Variants in TYR observed in about 807,000 individuals in gnomAD.
TYR encodes the protein tyrosinase.
A neutral mutation model predicts 51.5 loss-of-function variants in TYR; 58 were observed. That is an observed-to-expected ratio of 1.13 (90% CI 0.91 to 1.40). The LOEUF (loss-of-function observed/expected upper bound fraction) is 1.40, where lower values mean the gene tolerates loss of function less well. Ranked by LOEUF, TYR falls within the 40% of genes most tolerant of loss-of-function variation. The pLI, the probability that TYR is intolerant of heterozygous loss-of-function variation, is 0.00. For synonymous variants in TYR, 263 were observed against 235.2 expected, an observed-to-expected ratio of 1.12 and a Z score of -1.08; for missense variants, 732 against 647.4, an observed-to-expected ratio of 1.13 and a Z score of -1.42.
chr11:89,193,919 A>G (rs1020414419), intron 2 of TYR, among the ~76,000 whole-genome samples: 1 of 152,144 alleles, frequency 6.6e-6, no homozygotes, highest in African/African-American at 2.4e-5. Context: ...TAAATTGCAT[A>G]GACTGTAACT....
At chr11:89,216,647 CAAAA>C (rs11411684) in intron 2 of TYR, among the ~76,000 whole-genome samples, 2,161 of 80,790 alleles carry the variant, frequency 0.027, 56 homozygotes, top group African/African-American at 0.091. Flanking sequence ...TTTTCCATCT[CAAAA>C]AAAAAAAAAA....
intron 3 of TYR, among the ~76,000 whole-genome samples, chr11:89,250,715 T>C (rs1028964751): frequency 6.6e-6 from 1 of 151,870 alleles, no homozygotes; most frequent in Non-Finnish European, 1.5e-5. Flanking sequence ...AAACTTCTCT[T>C]CATATAAAGA....
intron 3 of TYR, among the ~76,000 whole-genome samples, chr11:89,282,130 T>C (rs1944727472): frequency 6.6e-6 from 1 of 151,866 alleles, no homozygotes; most frequent in Admixed American, 6.6e-5. Flanking sequence ...TTAAATCTTT[T>C]GGTGCTGAGA....
At chr11:89,204,568 T>A (rs1243371733) in intron 2 of TYR, among the ~76,000 whole-genome samples, 1 of 152,026 alleles carries the variant, frequency 6.6e-6, no homozygotes, top group African/African-American at 2.4e-5. Context: ...CTAATTTTTT[T>A]TATATTTTTA....
intron 2 of TYR, among the ~76,000 whole-genome samples, chr11:89,201,339 A>C (rs115393618): frequency 2.2e-4 from 33 of 152,170 alleles, no homozygotes; most frequent in African/African-American, 7.0e-4. Flanking sequence ...TGAATCCTAC[A>C]TTCAAGTGAA....
intron 3 of TYR, among the ~76,000 whole-genome samples, chr11:89,256,866 T>C (rs1944398669): frequency 6.6e-6 from 1 of 151,870 alleles, no homozygotes; most frequent in Non-Finnish European, 1.5e-5. Context: ...GTAGGAGGCT[T>C]TAGTCAACTG....
At chr11:89,284,565 G>C (rs892292734) in intron 3 of TYR, among the ~76,000 whole-genome samples, 1 of 151,718 alleles carries the variant, frequency 6.6e-6, no homozygotes, top group Non-Finnish European at 1.5e-5. Context: ...TTCAAAGCTA[G>C]CCTCAATATT....
intron 3 of TYR, among the ~76,000 whole-genome samples, chr11:89,230,419 T>C (rs1386869806): frequency 6.6e-6 from 1 of 152,048 alleles, no homozygotes; most frequent in Non-Finnish European, 1.5e-5. Context: ...TTAGAAATTG[T>C]GAAACTGCTA....
chr11:89,281,633 GA>G (rs1944723404), intron 3 of TYR, among the ~76,000 whole-genome samples: 2 of 151,750 alleles, frequency 1.3e-5, no homozygotes, highest in South Asian at 4.1e-4. Flanking sequence ...CTCCACTTTT[GA>G]GGATGGCAGT....
chr11:89,248,591 T>G (rs1347365001), intron 3 of TYR, among the ~76,000 whole-genome samples: 1 of 152,202 alleles, frequency 6.6e-6, no homozygotes, highest in Non-Finnish European at 1.5e-5. Context: ...AGGAACTTGG[T>G]GCAATATGAG....
chr11:89,280,399 A>G (rs1212243147), intron 3 of TYR, among the ~76,000 whole-genome samples: 4 of 151,544 alleles, frequency 2.6e-5, no homozygotes, highest in Non-Finnish European at 5.9e-5. Flanking sequence ...CCTCAAGCTC[A>G]CTGATTCTTT....
chr11:89,282,512 A>G (rs192809055), intron 3 of TYR, among the ~76,000 whole-genome samples: 19 of 151,936 alleles, frequency 1.3e-4, no homozygotes, highest in African/African-American at 3.9e-4. Context: ...AAAAGCATAG[A>G]GCAATTACAG....
At chr11:89,197,360 G>T (rs1196777169) in intron 2 of TYR, among the ~76,000 whole-genome samples, 2 of 152,114 alleles carry the variant, frequency 1.3e-5, no homozygotes, top group African/African-American at 4.8e-5. Context: ...TTAAGAAACT[G>T]AAGTTTATTC....
intron 2 of TYR, among the ~76,000 whole-genome samples, chr11:89,202,914 A>G (rs752004775): frequency 6.6e-6 from 1 of 152,150 alleles, no homozygotes; most frequent in Non-Finnish European, 1.5e-5. Context: ...TGCTGTTTCT[A>G]TGAAAAGATT....
At chr11:89,245,456 G>A (rs1944252294) in intron 3 of TYR, among the ~76,000 whole-genome samples, 1 of 152,174 alleles carries the variant, frequency 6.6e-6, no homozygotes, top group African/African-American at 2.4e-5. Context: ...GACAAAGAAA[G>A]TATACTCTTC....
At chr11:89,245,806 C>A (rs2135295097) in intron 3 of TYR, among the ~76,000 whole-genome samples, 1 of 152,028 alleles carries the variant, frequency 6.6e-6, no homozygotes, top group South Asian at 2.1e-4. Flanking sequence ...CCTGTAGTCC[C>A]AGCTACTTGG....
intron 2 of TYR, among the ~76,000 whole-genome samples, chr11:89,192,478 A>T (rs929368638): frequency 6.6e-6 from 1 of 151,982 alleles, no homozygotes; most frequent in Middle Eastern, 3.2e-3. Context: ...CTCTTTTGTA[A>T]TCCTTTCTCC....
chr11:89,245,925 A>C (rs1245335924), intron 3 of TYR, among the ~76,000 whole-genome samples: 1 of 143,034 alleles, frequency 7.0e-6, no homozygotes, highest in Non-Finnish European at 1.6e-5. Context: ...CATCTCAAAA[A>C]AAAAAAACAA....
Position 89,216,119 on chromosome 11 carries a change from TGTGAAAGCTTATGAACCTG to T in TYR, c.1037-11683_1037-11665del, listed in dbSNP as rs1423465651. Among the ~76,000 whole-genome samples, 4 of 152,178 alleles carry T rather than the reference TGTGAAAGCTTATGAACCTG, an allele frequency of 2.6e-5. No homozygotes were observed. The South Asian group carries it at 6.2e-4, about 24-fold the overall frequency. The stretch of plus-strand genomic sequence containing the variant: ...AGTGACTTCACTTACCAATAGAAGG[TGTGAAAGCTTATGAACCTG>T]GTGAAAGCTTATGAACCTGGAATTG... On this transcript the variant is annotated intron_variant, in intron 2 of 4. Transcript: ENST00000263321.
Sources: allele counts gnomAD v4.1 joint callset (sites outside exome capture counted in the v4.1 genomes callset), GRCh38; gene constraint gnomAD v4.1.1; transcripts MANE v1.5; gene names NCBI Gene and HGNC (gene_info 2026-07-23, HGNC 2026-07-21).